Variants in GABRG3 observed in about 807,000 individuals in gnomAD.
GABRG3 encodes the protein gamma-aminobutyric acid type A receptor subunit gamma3.
GABRG3 carries 25 observed loss-of-function variants against 48.8 expected under a neutral mutation model. The ratio of observed to expected loss-of-function variants is 0.51; its 90% CI spans 0.37 to 0.72. GABRG3 has a LOEUF of 0.72. GABRG3 is among the 30% of genes least tolerant of loss of function. The pLI is 0.00. For synonymous variants in GABRG3, 227 were observed against 217.6 expected (o/e 1.04, Z -0.38); for missense variants, 394 against 577.9 (o/e 0.68, Z 3.26).
intron 3 of GABRG3, among the ~76,000 whole-genome samples, chr15:27,162,943 G>A (rs1047033625): frequency 3.3e-5 from 5 of 151,942 alleles, no homozygotes; most frequent in Admixed American, 3.3e-4. Flanking sequence ...AGAGCTCCAC[G>A]TGATCACGTG....
chr15:27,202,514 G>A (rs774399146), intron 3 of GABRG3, among the ~76,000 whole-genome samples: 1 of 152,150 alleles, frequency 6.6e-6, no homozygotes, highest in Non-Finnish European at 1.5e-5. Context: ...CAGGAGAGAT[G>A]TGGTAATTCA....
At position 27,112,442 on chromosome 15, in the gene GABRG3, AT is replaced by A. The variant is rs200203617; in HGVS notation, c.270+85636del. ...TCTTCAGCATTTACTTATTTCATTG[AT>A]TTTTTTTTTTTTTTGGTATGGGGTC... On this transcript the variant is annotated intron_variant, in intron 3 of 9. Transcript: ENST00000615808. Among the ~76,000 whole-genome samples, 360 of 137,564 alleles carry A rather than the reference AT, an allele frequency of 2.6e-3. 1 individual carries two copies. Among genetic ancestry groups the A allele is most frequent in the Middle Eastern group, 7.8e-3 (2 of 258 alleles). 90.2% of individuals were successfully genotyped at this position (137,564 alleles called of 152,430 possible). A position where few individuals can be genotyped will look rare whatever the true frequency, so the allele number is the denominator to read the frequency against.
intron 3 of GABRG3, among the ~76,000 whole-genome samples, chr15:27,059,171 A>G (rs1194441391): frequency 6.6e-6 from 1 of 152,208 alleles, no homozygotes; most frequent in Non-Finnish European, 1.5e-5. Flanking sequence ...GTCACTCCCA[A>G]CACGAGGCTG....
intron 5 of GABRG3, chr15:27,365,503 C>T (rs1895165330): frequency 6.6e-6 from 1 of 152,192 alleles, no homozygotes. Flanking sequence ...AGGTATTTTG[C>T]AGGATTTTCT....
chr15:27,392,420 A>G (rs1887160335), intron 5 of GABRG3, among the ~76,000 whole-genome samples: 1 of 152,180 alleles, frequency 6.6e-6, no homozygotes, highest in Admixed American at 6.5e-5. Context: ...GAATTGTACA[A>G]TGTTTTTATT....
chr15:27,315,280 G>A (rs1347578355), intron 3 of GABRG3, among the ~76,000 whole-genome samples: 1 of 152,190 alleles, frequency 6.6e-6, no homozygotes, highest in African/African-American at 2.4e-5. Context: ...TCAAAATTGT[G>A]CTGAGTGCTT....
intron 2 of GABRG3, among the ~76,000 whole-genome samples, chr15:26,985,735 C>T (rs1010602897): frequency 1.3e-5 from 2 of 152,094 alleles, no homozygotes; most frequent in African/African-American, 4.8e-5. Flanking sequence ...TATGTTGGAA[C>T]GCCCTGTTTA....
intron 3 of GABRG3, among the ~76,000 whole-genome samples, chr15:27,052,119 C>T (rs1196871458): frequency 6.6e-6 from 1 of 152,162 alleles, no homozygotes; most frequent in South Asian, 2.1e-4. Flanking sequence ...GACTGATACC[C>T]GGCCACAGAT....
At chr15:27,223,838 G>A (rs1366588128) in intron 3 of GABRG3, among the ~76,000 whole-genome samples, 1 of 152,156 alleles carries the variant, frequency 6.6e-6, no homozygotes, top group African/African-American at 2.4e-5. Context: ...CACACTGATT[G>A]CCCCCCTTTT....
chr15:27,359,606 C>T (rs1894955387), intron 5 of GABRG3, among the ~76,000 whole-genome samples: 1 of 152,140 alleles, frequency 6.6e-6, no homozygotes, highest in South Asian at 2.1e-4. Flanking sequence ...TGATTAAGAA[C>T]ATAACAGAAC....
At chr15:27,512,584 T>G (rs1005045909) in intron 6 of GABRG3, among the ~76,000 whole-genome samples, 1 of 152,216 alleles carries the variant, frequency 6.6e-6, no homozygotes, top group South Asian at 2.1e-4. Flanking sequence ...GTCAACACTA[T>G]GCAAAGCACT....
At chr15:27,247,715 C>T (rs1890311690) in intron 3 of GABRG3, among the ~76,000 whole-genome samples, 1 of 152,076 alleles carries the variant, frequency 6.6e-6, no homozygotes, top group South Asian at 2.1e-4. Context: ...CTGGGGAGGC[C>T]TCACAATCAT....
chr15:27,004,337 A>C (rs962321476), intron 2 of GABRG3, among the ~76,000 whole-genome samples: 1 of 149,426 alleles, frequency 6.7e-6, no homozygotes, highest in Non-Finnish European at 1.5e-5. Context: ...CGGTCCCCAC[A>C]TCTCAGACAA....
chr15:27,368,228 A>G (rs1031228925), intron 5 of GABRG3, among the ~76,000 whole-genome samples: 1 of 152,210 alleles, frequency 6.6e-6, no homozygotes, highest in South Asian at 2.1e-4. Context: ...CGGGATGCAT[A>G]GTATGGGCAC....
chr15:26,996,785 G>A (rs1163477289), intron 2 of GABRG3, among the ~76,000 whole-genome samples: 2 of 152,140 alleles, frequency 1.3e-5, no homozygotes, highest in African/African-American at 4.8e-5. Context: ...GAGTAGCTGG[G>A]ACTACAGGCC....
At chr15:27,313,310 A>C (rs1382600721) in intron 3 of GABRG3, among the ~76,000 whole-genome samples, 1 of 114,000 alleles carries the variant, frequency 8.8e-6, no homozygotes, top group South Asian at 2.8e-4. Flanking sequence ...ATATATATAT[A>C]CCCAACATCA....
chr15:27,061,851 C>T (rs369168583), intron 3 of GABRG3, among the ~76,000 whole-genome samples: 9 of 152,268 alleles, frequency 5.9e-5, no homozygotes, highest in South Asian at 4.1e-4. Flanking sequence ...TCTCCCGCCC[C>T]GTGTGGAAAT....
At chr15:27,090,052 G>A (rs570395677) in intron 3 of GABRG3, among the ~76,000 whole-genome samples, 1 of 152,316 alleles carries the variant, frequency 6.6e-6, no homozygotes, top group South Asian at 2.1e-4. Context: ...CAGTTCTTTT[G>A]TGTATAGACA....
At chr15:26,987,158 T>TGAG (rs1895167252) in intron 2 of GABRG3, among the ~76,000 whole-genome samples, 7 of 152,126 alleles carry the variant, frequency 4.6e-5, no homozygotes, top group Admixed American at 4.6e-4. Context: ...CTCGGGAGGC[T>TGAG]GAGGCGGGAG....
Sources: allele counts gnomAD v4.1 joint callset (sites outside exome capture counted in the v4.1 genomes callset), GRCh38; gene constraint gnomAD v4.1.1; transcripts MANE v1.5; gene names NCBI Gene and HGNC (gene_info 2026-07-23, HGNC 2026-07-21).